CUL4A: variants seen among roughly 807,000 people sequenced by gnomAD.
CUL4A encodes the protein cullin-4A.
In CUL4A, 16 loss-of-function variants were observed where a neutral mutation model predicts 95.5. The observed-to-expected ratio is 0.17, with a 90% CI of 0.11 to 0.25. CUL4A has a LOEUF of 0.25. CUL4A is among the 10% of genes least tolerant of loss of function. The probability of loss-of-function intolerance (pLI) is 1.00; values close to 1 mark genes in which losing one functional copy is unlikely to be tolerated. For synonymous variants in CUL4A, 380 were observed against 353.1 expected (o/e 1.08, Z -0.85); for missense variants, 610 against 937.0 (o/e 0.65, Z 4.56).
rs537946166 is a variant in CUL4A, at chr13:113,239,575, C to T, written c.1035+24C>T. The stretch of plus-strand genomic sequence containing the variant: ...AGGTACTGGCGGGGTTTTGAGGCCG[C>T]GGGCGTGGGCATTCCCTGCAGGGAG... On this transcript the variant is annotated intron_variant, in intron 10 of 19. Coordinates refer to ENST00000375440, the MANE Select transcript of CUL4A (RefSeq NM_001008895.4). The T allele has an allele frequency of 9.6e-6, 15 of 1,561,778 alleles. No homozygotes were observed. In the East Asian group the frequency reaches 1.1e-4, roughly 12 times the overall value.
chr13:113,245,772 A>G (rs774214127), intron 14 of CUL4A, among the ~76,000 whole-genome samples, 184 bp from the exon 15 acceptor site: 1 of 152,232 alleles, frequency 6.6e-6, no homozygotes, highest in Non-Finnish European at 1.5e-5. Context: ...TGGTGGTGAC[A>G]CCTGAAGAAG....
At chr13:113,257,192 T>A (rs2042152280) in intron 18 of CUL4A, among the ~76,000 whole-genome samples, 1 of 152,154 alleles carries the variant, frequency 6.6e-6, no homozygotes, top group Non-Finnish European at 1.5e-5. Flanking sequence ...CCCAAAATGC[T>A]GAGATTACAG....
chr13:113,254,089 A>G (rs2139280416), intron 16 of CUL4A, among the ~76,000 whole-genome samples: 1 of 152,114 alleles, frequency 6.6e-6, no homozygotes, highest in South Asian at 2.1e-4. Flanking sequence ...AGCACCACCA[A>G]CTGCAGCTCT....
At chr13:113,218,545 C>T (rs555744005) in intron 2 of CUL4A, among the ~76,000 whole-genome samples, 1 of 152,316 alleles carries the variant, frequency 6.6e-6, no homozygotes, top group African/African-American at 2.4e-5. Context: ...TAAACACAAA[C>T]ACACTCCAGT....
In CUL4A at chr13:113,255,028, G is replaced by T. The variant is rs1177684646; in HGVS notation, c.1934G>T (p.Gly645Val). ...KARVLIKSPK[G>V]KEVEDGDKFI... Reference sequence around the variant, plus strand: ...CGTGTGCTGATTAAAAGTCCCAAAGGAAAGGAAGTGGAAGATGGAGACAAG... The same window carrying T: ...CGTGTGCTGATTAAAAGTCCCAAAGTAAAGGAAGTGGAAGATGGAGACAAG... Residue 645 changes from glycine (G) to valine (V), a missense_variant, in exon 18 of 20, where the codon GGA becomes GTA. This residue lies in a region of CUL4A where 72 missense variants were observed against 93.2 expected (regional missense o/e 0.77). Coordinates refer to ENST00000375440, the MANE Select transcript of CUL4A (RefSeq NM_001008895.4). 1.2e-6 allele frequency: 2 copies of T among 1,614,064 alleles called. No homozygotes were observed. The highest frequency in any genetic ancestry group is 1.7e-6 in the Non-Finnish European group (2 of 1,180,014).
intron 18 of CUL4A, among the ~76,000 whole-genome samples, chr13:113,260,062 G>A (rs1433699249): frequency 6.6e-6 from 1 of 150,612 alleles, no homozygotes; most frequent in African/African-American, 2.4e-5. Context: ...AAATGAGCCG[G>A]GCATGGTGGG....
Position 113,263,772 on chromosome 13 carries a change from C to T in CUL4A, c.*190C>T. 2.4e-6 allele frequency: 1 copy of T among 412,488 alleles called. No individual in the cohort carries two copies. Among genetic ancestry groups the T allele is most frequent in the Non-Finnish European group, 4.3e-6 (1 of 232,640 alleles). The allele number at this position is 412,488 out of a possible 1,614,324, so 25.6% of individuals were successfully genotyped here. On this transcript the variant is annotated 3_prime_UTR_variant, in exon 20 of 20. Coordinates refer to ENST00000375440, the MANE Select transcript of CUL4A (RefSeq NM_001008895.4). The stretch of plus-strand genomic sequence containing the variant: ...ACCTGCAGATGTATCTTTTTCCCTC[C>T]AGTTTTTCCTCTAGTTCTTTTAGGC...
At chr13:113,257,650 C>T (rs562231861) in intron 18 of CUL4A, among the ~76,000 whole-genome samples, 21 of 152,310 alleles carry the variant, frequency 1.4e-4, no homozygotes, top group Middle Eastern at 3.4e-3. Flanking sequence ...TGCCCCCACC[C>T]ACCCGGTCCC....
upstream of CUL4A, chr13:113,208,235 A>C (rs143953654): frequency 5.4e-6 from 8 of 1,469,578 alleles, no homozygotes; most frequent in Non-Finnish European, 6.3e-6. Context: ...CATCCGACAC[A>C]GCACCGCCCA....
Position 113,244,504 on chromosome 13 carries a change from G to C in CUL4A, c.1323G>C (p.Arg441Ser). The change falls in exon 12 of 20, where the codon AGG becomes AGC. Residue 441 changes from arginine to serine, a missense_variant. By Grantham distance (110) the Arg-to-Ser change is moderately radical. Transcript: ENST00000375440. Reference protein sequence around the residue: ...RTLDKIMILFRFIHGKDVFEA... With the variant: ...RTLDKIMILFSFIHGKDVFEA... ...TGGACAAGATCATGATCCTGTTCAG[G>C]TTTATCCACGGTGAGACTCGGGCAC... is the stretch of plus-strand genomic sequence containing the variant. The C allele has an allele frequency of 6.2e-7, 1 of 1,611,624 alleles. No individual in the cohort carries two copies. The highest frequency in any genetic ancestry group is 8.5e-7 in the Non-Finnish European group (1 of 1,178,710).
intron 18 of CUL4A, among the ~76,000 whole-genome samples, chr13:113,258,042 G>A (rs1477904682): frequency 6.6e-6 from 1 of 151,946 alleles, no homozygotes; most frequent in Non-Finnish European, 1.5e-5. Context: ...TTTTGAGACA[G>A]TGTCGCCCAG....
chr13:113,235,850 A>G (rs2041522727), intron 8 of CUL4A, among the ~76,000 whole-genome samples: 1 of 152,088 alleles, frequency 6.6e-6, no homozygotes, highest in African/African-American at 2.4e-5. Context: ...GGGAACCTAT[A>G]GTCCCAGCTA....
chr13:113,221,496 G>A (rs747236563), intron 3 of CUL4A, among the ~76,000 whole-genome samples: 1 of 152,210 alleles, frequency 6.6e-6, no homozygotes, highest in Non-Finnish European at 1.5e-5. Context: ...GCTTAAACCC[G>A]AATGGCGGTG....
At chr13:113,218,138 T>C (rs1472418566) in intron 2 of CUL4A, among the ~76,000 whole-genome samples, 1 of 152,070 alleles carries the variant, frequency 6.6e-6, no homozygotes, top group Admixed American at 6.6e-5. Flanking sequence ...CTCGGGAGGC[T>C]GAGGCAGGAG....
chr13:113,223,733 T>C (rs2040990956), intron 3 of CUL4A, among the ~76,000 whole-genome samples: 1 of 152,212 alleles, frequency 6.6e-6, no homozygotes, highest in African/African-American at 2.4e-5. Flanking sequence ...TATATTTTGA[T>C]TGTATGCTGA....
At chr13:113,210,983 C>T (rs1432072732) in intron 2 of CUL4A, among the ~76,000 whole-genome samples, 1 of 152,228 alleles carries the variant, frequency 6.6e-6, no homozygotes, top group East Asian at 1.9e-4. Context: ...GAGATAGAGT[C>T]TACATATAAT....
chr13:113,241,716 A>G (rs922700207), intron 10 of CUL4A, among the ~76,000 whole-genome samples: 2 of 151,572 alleles, frequency 1.3e-5, no homozygotes, highest in Non-Finnish European at 2.9e-5. Flanking sequence ...GTTTCACCAT[A>G]TTGTCCAAGC....
intron 4 of CUL4A, 112 bp from the exon 5 acceptor site, chr13:113,229,334 G>A: frequency 3.7e-6 from 3 of 820,474 alleles, no homozygotes; most frequent in Non-Finnish European, 6.0e-6. Context: ...GGCTGTGGTG[G>A]ACAGGAAACA....
chr13:113,219,384 T>C (rs898889975), intron 3 of CUL4A: 9 of 215,082 alleles, frequency 4.2e-5, no homozygotes, highest in Admixed American at 1.1e-4. Context: ...TGGCGACTTA[T>C]GGAGACACCC....
Sources: allele counts gnomAD v4.1 joint callset (sites outside exome capture counted in the v4.1 genomes callset), GRCh38; gene constraint gnomAD v4.1.1; regional missense constraint gnomAD v4.1.1; transcripts MANE v1.5; gene names NCBI Gene and HGNC (gene_info 2026-07-23, HGNC 2026-07-21).